The following C10orf143 variants were observed in gnomAD, a reference collection of about 807,000 sequenced individuals.
C10orf143 encodes the protein chromosome 10 open reading frame 143, also known as uncharacterized protein C10orf143.
At position 130,065,258 on chromosome 10, in the gene C10orf143, G is replaced by A. The variant is rs189971642; in HGVS notation, c.298-875C>T. 2.6e-5 allele frequency: 4 copies of A among 152,334 alleles called. No homozygotes were observed. Among genetic ancestry groups the A allele is most frequent in the East Asian group, 1.9e-4 (1 of 5,176 alleles). The allele number at this position is 152,334 out of a possible 1,614,324, so 9.4% of individuals were successfully genotyped here. A position where few individuals can be genotyped will look rare whatever the true frequency, so the allele number is the denominator to read the frequency against. ...GATTATCAGACAGCAGAGTACTGAC[G>A]TCAGATACTGATGGCTCCTTCGAGT... is the stretch of plus-strand genomic sequence containing the variant. On this transcript the variant is annotated intron_variant, in intron 3 of 3. Coordinates refer to ENST00000637128, the MANE Select transcript of C10orf143 (RefSeq NM_001355042.2). This position sits in a 1 kb window ranked among gnomAD's most constrained non-coding sequence, Gnocchi z 4.2.
At chr10:130,107,894 C>T in intron 1 of C10orf143, 2 of 1,307,598 alleles carry the variant, frequency 1.5e-6, no homozygotes. Context: ...TGATTCAGCT[C>T]TTCCTCCACA....
intron 3 of C10orf143, among the ~76,000 whole-genome samples, chr10:130,037,910 T>C (rs1269178401): frequency 6.6e-6 from 1 of 152,196 alleles, no homozygotes; most frequent in East Asian, 1.9e-4. Context: ...AGTCTAAGCT[T>C]TATTGTCTTA....
chr10:130,080,138 C>T (rs633675), intron 1 of C10orf143, among the ~76,000 whole-genome samples: 142,925 of 152,336 alleles, frequency 0.94, 67,094 homozygotes, highest in African/African-American at 0.96. Context: ...ACATTTAAAA[C>T]AGTCATTTCA....
At chr10:130,070,275 T>A (rs1047779085) in intron 3 of C10orf143, among the ~76,000 whole-genome samples, 2 of 152,190 alleles carry the variant, frequency 1.3e-5, no homozygotes, top group Non-Finnish European at 2.9e-5. Flanking sequence ...TTTTGGTAAC[T>A]GAATTTTCTG....
At chr10:130,091,257 G>A (rs184527398) in intron 1 of C10orf143, among the ~76,000 whole-genome samples, 169 of 152,338 alleles carry the variant, frequency 1.1e-3, no homozygotes, top group African/African-American at 4.0e-3. Flanking sequence ...TGCAGCCTCT[G>A]CTGGTGATAC....
At chr10:130,101,667 C>G (rs1861552980) in intron 1 of C10orf143, among the ~76,000 whole-genome samples, 1 of 151,312 alleles carries the variant, frequency 6.6e-6, no homozygotes, top group South Asian at 2.1e-4. Context: ...GAGATTGAGA[C>G]CATCCTGGCC....
intron 3 of C10orf143, among the ~76,000 whole-genome samples, chr10:130,072,527 T>G (rs760560808): frequency 6.2e-4 from 94 of 152,368 alleles, no homozygotes; most frequent in Admixed American, 2.4e-3. Flanking sequence ...GTGTCTAATC[T>G]GATGACTTTT....
chr10:130,065,258 G>C lies in C10orf143; in HGVS notation c.298-875C>G, dbSNP rs189971642. ...GATTATCAGACAGCAGAGTACTGACGTCAGATACTGATGGCTCCTTCGAGT... is the reference window on the plus strand; with the variant it reads ...GATTATCAGACAGCAGAGTACTGACCTCAGATACTGATGGCTCCTTCGAGT... On this transcript the variant is annotated intron_variant, in intron 3 of 3. Transcript: ENST00000637128. The surrounding 1 kb of genome is among the most constrained non-coding windows in gnomAD (Gnocchi z 4.2). 2.6e-5 allele frequency: 4 copies of C among 152,334 alleles called. No individual in the cohort carries two copies. The South Asian group carries it at 6.2e-4, about 24-fold the overall frequency. The allele number at this position is 152,334 out of a possible 1,614,324, so 9.4% of individuals were successfully genotyped here. A position where few individuals can be genotyped will look rare whatever the true frequency, so the allele number is the denominator to read the frequency against.
At chr10:130,072,664 C>A (rs889331081) in intron 3 of C10orf143, among the ~76,000 whole-genome samples, 1 of 152,042 alleles carries the variant, frequency 6.6e-6, no homozygotes, top group Non-Finnish European at 1.5e-5. Flanking sequence ...TATAAAATAA[C>A]TACAGGATAC....
chr10:130,085,442 A>G (rs929926254), intron 1 of C10orf143, among the ~76,000 whole-genome samples: 2 of 152,174 alleles, frequency 1.3e-5, no homozygotes, highest in Non-Finnish European at 2.9e-5. Context: ...ATCATAAGAA[A>G]ATGTGGGACA....
chr10:130,061,125 G>A (rs1394340145), downstream of C10orf143, among the ~76,000 whole-genome samples: 3 of 152,108 alleles, frequency 2.0e-5, no homozygotes, highest in East Asian at 1.9e-4. Context: ...TAACAGGAGT[G>A]GGACCTTGTC....
At chr10:130,098,862 G>A (rs570702703) in intron 1 of C10orf143, among the ~76,000 whole-genome samples, 4 of 152,144 alleles carry the variant, frequency 2.6e-5, no homozygotes, top group Non-Finnish European at 5.9e-5. Context: ...CGAGGTGGGT[G>A]GATCACTGAG....
intron 3 of C10orf143, among the ~76,000 whole-genome samples, chr10:130,041,815 A>G (rs981257862): frequency 1.4e-4 from 20 of 146,986 alleles, no homozygotes; most frequent in Non-Finnish European, 2.8e-4. Context: ...TAAGCTCTGC[A>G]CACACACACA....
chr10:130,064,818 C>G (rs774806222), intron 3 of C10orf143: 4 of 152,304 alleles, frequency 2.6e-5, no homozygotes, highest in African/African-American at 4.8e-5. Flanking sequence ...AGGGCCCCTC[C>G]GGCCCCCAAC....
chr10:130,080,813 C>G (rs1319745055), intron 1 of C10orf143, among the ~76,000 whole-genome samples: 1 of 152,092 alleles, frequency 6.6e-6, no homozygotes, highest in African/African-American at 2.4e-5. Context: ...AATGCATCTA[C>G]ACAATATAGA....
downstream of C10orf143, among the ~76,000 whole-genome samples, chr10:130,061,846 T>C (rs1206739295): frequency 1.3e-5 from 2 of 152,074 alleles, no homozygotes; most frequent in Non-Finnish European, 2.9e-5. Flanking sequence ...CTGCACGGGG[T>C]GAGCTCCTCC....
At chr10:130,041,606 GT>G (rs1178831262) in intron 3 of C10orf143, among the ~76,000 whole-genome samples, 5 of 152,298 alleles carry the variant, frequency 3.3e-5, no homozygotes, top group African/African-American at 1.2e-4. Context: ...CACTTTTGCT[GT>G]AGCCAAAATT....
chr10:130,067,344 C>A (rs74780381), intron 3 of C10orf143: 4,756 of 152,354 alleles, frequency 0.031, 192 homozygotes, highest in East Asian at 0.11. Flanking sequence ...GTGAAACACC[C>A]AGATTGATGC....
chr10:130,043,950 C>A (rs1328338370), intron 3 of C10orf143, among the ~76,000 whole-genome samples: 1 of 151,880 alleles, frequency 6.6e-6, no homozygotes, highest in Non-Finnish European at 1.5e-5. Flanking sequence ...TGGGGCTCAG[C>A]CTGGGCACCT....
Sources: gnomAD v4.1 joint callset for allele counts (sites outside exome capture counted in the v4.1 genomes callset) on GRCh38, gnomAD v4.1.1 for gene constraint, Gnocchi (gnomAD v3.1) non-coding constraint, MANE v1.5 for transcripts, NCBI Gene and HGNC (gene_info 2026-07-23, HGNC 2026-07-21) for gene names.